Variants in HK1 observed in about 807,000 individuals in gnomAD.
The protein encoded by HK1 is hexokinase 1.
Under a neutral mutation model 91.6 loss-of-function variants are expected in HK1, and 28 were observed. The observed-to-expected ratio is 0.31, with a 90% CI of 0.23 to 0.42. HK1 has a LOEUF of 0.42. Among genes scored for constraint, HK1 ranks in the 10% least tolerant of loss-of-function variants. The pLI is 1.00. For synonymous variants in HK1, 430 were observed against 468.1 expected, an observed-to-expected ratio of 0.92 and a Z score of 1.05; for missense variants, 770 against 1,219.8, an observed-to-expected ratio of 0.63 and a Z score of 5.49.
chr10:69,399,638 C>T (rs900570872), intron 17 of HK1, among the ~76,000 whole-genome samples: 1 of 152,000 alleles, frequency 6.6e-6, no homozygotes, highest in Non-Finnish European at 1.5e-5. Flanking sequence ...AGGGAGTGGC[C>T]TCCCTCTGGT....
At chr10:69,390,383 GC>G (rs1405155435) in intron 14 of HK1, among the ~76,000 whole-genome samples, 1 of 13,698 alleles carries the variant, frequency 7.3e-5, no homozygotes, top group African/African-American at 4.8e-4. Context: ...ACATTTCATA[GC>G]TACTTCATAG....
At chr10:69,344,416 A>G (rs1046266458) in intron 2 of HK1, among the ~76,000 whole-genome samples, 1 of 151,756 alleles carries the variant, frequency 6.6e-6, no homozygotes, top group Non-Finnish European at 1.5e-5. Context: ...CAGGGAATCA[A>G]AGCTTCCCTC....
chr10:69,326,474 A>G (rs866953300), intron 1 of HK1, among the ~76,000 whole-genome samples: 10 of 152,150 alleles, frequency 6.6e-5, no homozygotes, highest in Middle Eastern at 3.4e-3. Flanking sequence ...GAGATAAAAC[A>G]TTTTTCTAAG....
At chr10:69,370,155 A>T (rs1849923045) in intron 7 of HK1, among the ~76,000 whole-genome samples, 1 of 152,182 alleles carries the variant, frequency 6.6e-6, no homozygotes. Context: ...TTACACTATG[A>T]TTGTGTCCTT....
At chr10:69,293,574 G>C (rs7092374) in intron 3 of HK1, among the ~76,000 whole-genome samples, 3,974 of 152,162 alleles carry the variant, frequency 0.026, 161 homozygotes, top group South Asian at 0.12. Flanking sequence ...CTTATTTACC[G>C]GCAATCCTGT....
At chr10:69,348,128 A>G (rs1255522173) in intron 2 of HK1, among the ~76,000 whole-genome samples, 4 of 152,118 alleles carry the variant, frequency 2.6e-5, no homozygotes, top group Non-Finnish European at 5.9e-5. Flanking sequence ...ATAGGAATCG[A>G]TACTTCTTGG....
chr10:69,273,694 A>G (rs1158858957), intron 1 of HK1, among the ~76,000 whole-genome samples: 1 of 152,226 alleles, frequency 6.6e-6, no homozygotes, highest in Non-Finnish European at 1.5e-5. Context: ...GTTCAGTGAC[A>G]GATTTTTTTT....
chr10:69,300,672 A>C, intron 4 of HK1: 1 of 805,388 alleles, frequency 1.2e-6, no homozygotes, highest in South Asian at 1.5e-5. Context: ...CATGATTTCA[A>C]ATTCGCCAAT....
intron 2 of HK1, among the ~76,000 whole-genome samples, chr10:69,347,274 G>A (rs1848609080): frequency 6.6e-6 from 1 of 152,024 alleles, no homozygotes; most frequent in African/African-American, 2.4e-5. Flanking sequence ...GCCTCCCAAA[G>A]TGCTGGGATT....
intron 16 of HK1, 27 bp downstream of exon 16, chr10:69,395,132 G>A (rs780391451): frequency 1.2e-6 from 2 of 1,610,852 alleles, no homozygotes; most frequent in African/African-American, 2.7e-5. Context: ...TTCCCTGCCA[G>A]CGCCCACCCT....
chr10:69,302,686 G>T (rs1186237694), intron 5 of HK1, among the ~76,000 whole-genome samples: 1 of 149,592 alleles, frequency 6.7e-6, no homozygotes, highest in Non-Finnish European at 1.5e-5. Context: ...GCCCTGGAAG[G>T]TCAAGGCTGC....
At chr10:69,391,133 G>T (rs976412292) in intron 14 of HK1, among the ~76,000 whole-genome samples, 1 of 152,188 alleles carries the variant, frequency 6.6e-6, no homozygotes, top group South Asian at 2.1e-4. Flanking sequence ...GCATGTGTGC[G>T]GTGTGTGGGT....
intron 2 of HK1, among the ~76,000 whole-genome samples, chr10:69,344,758 C>T (rs1250701991): frequency 2.0e-5 from 3 of 152,192 alleles, no homozygotes; most frequent in Non-Finnish European, 2.9e-5. Flanking sequence ...CTGTTCTTCC[C>T]GGCAGACCCG....
chr10:69,381,083 G>A (rs909150803), intron 9 of HK1, among the ~76,000 whole-genome samples: 1 of 152,100 alleles, frequency 6.6e-6, no homozygotes. Flanking sequence ...CAGGTGGATT[G>A]CTTGAGCCCA....
At chr10:69,334,298 A>T (rs1847871467) in intron 1 of HK1, among the ~76,000 whole-genome samples, 1 of 152,108 alleles carries the variant, frequency 6.6e-6, no homozygotes, top group African/African-American at 2.4e-5. Flanking sequence ...GGCTTTGGTG[A>T]TGATCTCACA....
At position 69,343,273 on chromosome 10, in the gene HK1, T is replaced by A. The variant is rs1010725284; in HGVS notation, c.64-554T>A. Reference sequence around the variant, plus strand: ...GTTAATAATAATAGCTGATGTTTATTGAGCAGTTACTGTGTTCTAAGTGCT... The same window carrying A: ...GTTAATAATAATAGCTGATGTTTATAGAGCAGTTACTGTGTTCTAAGTGCT... On this transcript the variant is annotated intron_variant, in intron 1 of 17. Transcript: ENST00000359426. 8.5e-5 allele frequency among the ~76,000 whole-genome samples: 13 copies of A among 152,348 alleles called. 1 individual carries two copies. Among genetic ancestry groups the A allele is most frequent in the Non-Finnish European group, 1.6e-4 (11 of 68,034 alleles).
intron 14 of HK1, 22 bp from the exon 15 acceptor site, chr10:69,392,103 A>T (rs1384884753): frequency 6.2e-7 from 1 of 1,613,960 alleles, no homozygotes; most frequent in South Asian, 1.1e-5. Context: ...ACCGCTCCTC[A>T]TTGCCCCCTC....
chr10:69,300,708 A>G, intron 4 of HK1: 1 of 972,288 alleles, frequency 1.0e-6, no homozygotes, highest in Non-Finnish European at 1.6e-6. Context: ...CATCACAGTG[A>G]GAAACCAGAC....
chr10:69,364,075 G>A (rs145321689), intron 3 of HK1, among the ~76,000 whole-genome samples: 3 of 152,338 alleles, frequency 2.0e-5, no homozygotes, highest in East Asian at 1.9e-4. Context: ...GTAACTGAGG[G>A]TGATAGACGT....
Sources: allele counts gnomAD v4.1 joint callset (sites outside exome capture counted in the v4.1 genomes callset), GRCh38; gene constraint gnomAD v4.1.1; transcripts MANE v1.5; gene names NCBI Gene and HGNC (gene_info 2026-07-23, HGNC 2026-07-21).